FGF14: variants seen among roughly 807,000 people sequenced by gnomAD.
FGF14 encodes the protein fibroblast growth factor 14.
FGF14 carries 5 observed loss-of-function variants against 25.5 expected under a neutral mutation model. The ratio of observed to expected loss-of-function variants is 0.20; its 90% CI spans 0.10 to 0.41. FGF14 has a LOEUF of 0.41. Ranked by LOEUF, FGF14 falls within the 10% of genes least tolerant of loss-of-function variation. The probability of loss-of-function intolerance (pLI) is 1.00; values close to 1 mark genes in which losing one functional copy is unlikely to be tolerated. For synonymous variants in FGF14, 138 were observed against 118.3 expected, an observed-to-expected ratio of 1.17 and a Z score of -1.08; for missense variants, 222 against 320.1, an observed-to-expected ratio of 0.69 and a Z score of 2.34.
chr13:102,236,918 C>T (rs2051353280), intron 1 of FGF14, among the ~76,000 whole-genome samples: 1 of 152,050 alleles, frequency 6.6e-6, no homozygotes, highest in East Asian at 1.9e-4. Context: ...AGAGGGCCTC[C>T]CAGCAGGAGG....
At chr13:102,301,818 C>T (rs2055071516) in intron 1 of FGF14, among the ~76,000 whole-genome samples, 3 of 113,560 alleles carry the variant, frequency 2.6e-5, no homozygotes, top group Admixed American at 2.0e-4. Context: ...CTCAAATCTT[C>T]CTGTACTTCA....
intron 3 of FGF14, among the ~76,000 whole-genome samples, chr13:101,843,415 G>C (rs1241317539): frequency 3.3e-5 from 5 of 151,906 alleles, no homozygotes; most frequent in African/African-American, 1.2e-4. Context: ...TCTGACAGTG[G>C]GGGGCAGGCC....
chr13:102,147,816 T>C (rs536105294), intron 1 of FGF14, among the ~76,000 whole-genome samples: 1 of 152,292 alleles, frequency 6.6e-6, no homozygotes, highest in Admixed American at 6.5e-5. Flanking sequence ...GTTTGTCTCA[T>C]AGGAAGGTTT....
intron 3 of FGF14, among the ~76,000 whole-genome samples, chr13:101,844,072 T>C (rs559589635): frequency 7.9e-5 from 12 of 152,030 alleles, no homozygotes; most frequent in Admixed American, 2.0e-4. Context: ...TTCAAAGATA[T>C]AAGCCCTTTC....
chr13:101,966,410 G>A (rs137960058), intron 1 of FGF14, among the ~76,000 whole-genome samples: 4 of 152,320 alleles, frequency 2.6e-5, no homozygotes, highest in African/African-American at 7.2e-5. Context: ...GAGGGAGCAT[G>A]GTTCTGCAGA....
At chr13:102,034,745 C>T (rs1220117394) in intron 1 of FGF14, among the ~76,000 whole-genome samples, 1 of 152,158 alleles carries the variant, frequency 6.6e-6, no homozygotes, top group Non-Finnish European at 1.5e-5. Flanking sequence ...CTGCCCCTCA[C>T]AGGGATGTTG....
intron 3 of FGF14, among the ~76,000 whole-genome samples, chr13:101,785,936 C>G (rs1334969347): frequency 6.6e-6 from 1 of 152,208 alleles, no homozygotes; most frequent in South Asian, 2.1e-4. Context: ...TCATTGTCAC[C>G]TGCCAGGAAC....
intron 1 of FGF14, among the ~76,000 whole-genome samples, chr13:102,027,731 G>C (rs977676880): frequency 9.2e-5 from 14 of 151,944 alleles, no homozygotes; most frequent in African/African-American, 3.4e-4. Flanking sequence ...GAATAGTTTA[G>C]GACATTGTTG....
chr13:102,203,399 C>T (rs1041073014), intron 1 of FGF14, among the ~76,000 whole-genome samples: 26 of 152,128 alleles, frequency 1.7e-4, no homozygotes, highest in African/African-American at 5.8e-4. Context: ...AAGATATTAG[C>T]GCAACTATAG....
intron 1 of FGF14, among the ~76,000 whole-genome samples, chr13:102,026,913 A>T (rs2040957306): frequency 6.6e-6 from 1 of 152,020 alleles, no homozygotes. Flanking sequence ...TTTACAACAA[A>T]TTCTATTAAT....
upstream of FGF14, among the ~76,000 whole-genome samples, chr13:101,917,318 C>T (rs1206716627): frequency 2.0e-5 from 3 of 152,052 alleles, no homozygotes; most frequent in East Asian, 5.8e-4. Context: ...CCTATGTGGT[C>T]CCCCTCCTGA....
In FGF14 at chr13:101,722,233, G is replaced by GTAA. The variant is rs1043814128; in HGVS notation, c.*595_*597dup. 3.5e-5 allele frequency: 6 copies of GTAA among 169,736 alleles called. No homozygotes were observed. The highest frequency in any genetic ancestry group is 5.5e-5 in the Admixed American group (1 of 18,098). 10.5% of individuals were successfully genotyped at this position (169,736 alleles called of 1,614,324 possible). A position where few individuals can be genotyped will look rare whatever the true frequency, so the allele number is the denominator to read the frequency against. On this transcript the variant is annotated 3_prime_UTR_variant, in exon 5 of 5. Coordinates refer to ENST00000376143, the MANE Select transcript of FGF14 (RefSeq NM_004115.4). ...TAATCTTTCTTTATAGATGCAATTT[G>GTAA]TAATAATAGGTTTAGAAGGCTTCCT...
At chr13:102,133,051 C>G (rs908794311) in intron 1 of FGF14, among the ~76,000 whole-genome samples, 2 of 152,236 alleles carry the variant, frequency 1.3e-5, no homozygotes, top group Non-Finnish European at 2.9e-5. Context: ...TCTATTCCAT[C>G]TCCTACAATT....
chr13:102,144,481 A>G (rs1314748910), intron 1 of FGF14, among the ~76,000 whole-genome samples: 6 of 152,034 alleles, frequency 3.9e-5, no homozygotes, highest in Non-Finnish European at 2.9e-5. Flanking sequence ...AATGTATTAT[A>G]GTATATGATA....
intron 1 of FGF14, among the ~76,000 whole-genome samples, chr13:101,928,897 A>G (rs2034557834): frequency 6.6e-6 from 1 of 151,980 alleles, no homozygotes; most frequent in East Asian, 1.9e-4. Flanking sequence ...ATGCAGCTAT[A>G]CATACTATTA....
intron 3 of FGF14, among the ~76,000 whole-genome samples, chr13:101,796,395 T>C (rs1373539814): frequency 6.6e-6 from 1 of 152,016 alleles, no homozygotes; most frequent in Non-Finnish European, 1.5e-5. Context: ...TACTCTGCTA[T>C]AATGTTGAGC....
chr13:101,837,703 C>T (rs193008340), intron 3 of FGF14, among the ~76,000 whole-genome samples: 9 of 152,164 alleles, frequency 5.9e-5, no homozygotes, highest in East Asian at 1.9e-4. Context: ...AATAATCTAA[C>T]GATAATCACT....
At chr13:101,918,847 G>C (rs1231279644), upstream of FGF14, among the ~76,000 whole-genome samples, 1 of 152,184 alleles carries the variant, frequency 6.6e-6, no homozygotes, top group Non-Finnish European at 1.5e-5. Context: ...TGTACTTCTG[G>C]AAGTTTATTT....
intron 1 of FGF14, among the ~76,000 whole-genome samples, chr13:101,905,532 T>TCA (rs141687956): frequency 0.022 from 3,326 of 151,862 alleles, 116 homozygotes; most frequent in African/African-American, 0.076. Flanking sequence ...GAGGGGGACA[T>TCA]CACACGCTGG....
Sources: allele counts gnomAD v4.1 joint callset (sites outside exome capture counted in the v4.1 genomes callset), GRCh38; gene constraint gnomAD v4.1.1; transcripts MANE v1.5; gene names NCBI Gene and HGNC (gene_info 2026-07-23, HGNC 2026-07-21).